The following CELF4 variants were observed in gnomAD, a reference collection of about 807,000 sequenced individuals.
The protein encoded by CELF4 is CUGBP Elav-like family member 4.
In CELF4, 18 loss-of-function variants were observed where a neutral mutation model predicts 59.9. The ratio of observed to expected loss-of-function variants is 0.30; its 90% CI spans 0.21 to 0.45. The LOEUF (loss-of-function observed/expected upper bound fraction) is 0.45. Among genes scored for constraint, CELF4 ranks in the 20% least tolerant of loss-of-function variants. The pLI, the probability that CELF4 is intolerant of heterozygous loss-of-function variation, is 1.00. For missense variants in CELF4, 456 were observed against 689.0 expected (o/e 0.66, Z 3.79); for synonymous variants, 261 against 267.1 (o/e 0.98, Z 0.22).
At chr18:37,557,600 ATAAT>A (rs1412242861) in intron 1 of CELF4, among the ~76,000 whole-genome samples, 1 of 152,234 alleles carries the variant, frequency 6.6e-6, no homozygotes, top group African/African-American at 2.4e-5. Context: ...AACAAAGGTG[ATAAT>A]TAATTAAAGC....
chr18:37,552,267 G>C (rs1024972384), intron 1 of CELF4, among the ~76,000 whole-genome samples: 1 of 152,192 alleles, frequency 6.6e-6, no homozygotes, highest in Non-Finnish European at 1.5e-5. Flanking sequence ...TGACACTCAG[G>C]GCACCTGAAT....
intron 1 of CELF4, among the ~76,000 whole-genome samples, chr18:37,509,147 G>T (rs1250284948): frequency 1.7e-5 from 1 of 59,970 alleles, no homozygotes; most frequent in Non-Finnish European, 4.3e-5. Context: ...TAATTTAATG[G>T]AAGAATGTTA....
At chr18:37,481,108 C>T (rs1377195772) in intron 2 of CELF4, among the ~76,000 whole-genome samples, 1 of 152,110 alleles carries the variant, frequency 6.6e-6, no homozygotes, top group Non-Finnish European at 1.5e-5. Context: ...TGCATGTCTG[C>T]CAGGCTGACG....
intron 11 of CELF4, among the ~76,000 whole-genome samples, chr18:37,256,248 C>G (rs528817753): frequency 9.8e-5 from 15 of 152,332 alleles, no homozygotes; most frequent in Non-Finnish European, 1.8e-4. Flanking sequence ...CCCAGCCCTC[C>G]TTCCAACATA....
At chr18:37,390,442 C>T (rs2099147083) in intron 2 of CELF4, among the ~76,000 whole-genome samples, 1 of 152,112 alleles carries the variant, frequency 6.6e-6, no homozygotes, top group East Asian at 1.9e-4. Context: ...GAGGGTAGCT[C>T]TTTCAGGGCA....
chr18:37,321,828 A>G lies in CELF4; in HGVS notation c.423T>C (p.Ser141=). 15 of 1,613,128 alleles carry G rather than the reference A, an allele frequency of 9.3e-6. No homozygotes were observed. The highest frequency in any genetic ancestry group is 1.3e-5 in the Non-Finnish European group (15 of 1,179,518). Residue 141 remains serine, a synonymous_variant, in exon 3 of 13, where the codon AGT becomes AGC. Coordinates refer to ENST00000420428, the MANE Select transcript of CELF4 (RefSeq NM_020180.4). ...KPADSESRGG[S]SCLRQPPSQD... ...GTGAAGGGGGCTGGCGCAGGCAGCTACTACCTCCTCGGCTCTCGCTGTCCG... is the reference window on the plus strand; with the variant it reads ...GTGAAGGGGGCTGGCGCAGGCAGCTGCTACCTCCTCGGCTCTCGCTGTCCG...
At position 37,246,863 on chromosome 18, in the gene CELF4, T is replaced by G. The variant is rs1198231073; in HGVS notation, c.*45-1666A>C. 2 of 152,236 alleles carry G rather than the reference T, an allele frequency of 1.3e-5. No homozygotes were observed. Among genetic ancestry groups the G allele is most frequent in the Admixed American group, 1.3e-4 (2 of 15,290 alleles). The allele number at this position is 152,236 out of a possible 1,614,324, so 9.4% of individuals were successfully genotyped here. On this transcript the variant is annotated intron_variant, in intron 12 of 12. Transcript: ENST00000420428. The surrounding 1 kb of genome is among the most constrained non-coding windows in gnomAD (Gnocchi z 5.3). The stretch of plus-strand genomic sequence containing the variant: ...TTTGACTATTTTTTGTTCTTTTGTT[T>G]TGTTTTTTTCTCTATGTGACATCTA...
rs140669145 is a variant in CELF4, at chr18:37,286,542, G to A, written c.449-11299C>T. On this transcript the variant is annotated intron_variant, in intron 3 of 12. Transcript: ENST00000420428. ...GAAAAACTCAGTGCTGGGGGCGGCC[G>A]TGCAAACCCCCTGCCCCTCTGACCC... Among the ~76,000 whole-genome samples the A allele has an allele frequency of 4.6e-3, 700 of 152,286 alleles. 3 individuals carry two copies. Among genetic ancestry groups the A allele is most frequent in the African/African-American group, 0.016 (658 of 41,570 alleles).
intron 2 of CELF4, among the ~76,000 whole-genome samples, chr18:37,392,106 G>T (rs1293333532): frequency 6.6e-6 from 1 of 152,220 alleles, no homozygotes; most frequent in African/African-American, 2.4e-5. Flanking sequence ...CGATGACTCA[G>T]CTTCACACAC....
chr18:37,464,184 G>A (rs566594761), intron 2 of CELF4, among the ~76,000 whole-genome samples: 11 of 152,324 alleles, frequency 7.2e-5, no homozygotes, highest in South Asian at 6.2e-4. Context: ...TGGAAAGCAC[G>A]GGGCTCGGGC....
At chr18:37,454,504 G>A (rs1346721618) in intron 2 of CELF4, among the ~76,000 whole-genome samples, 1 of 152,098 alleles carries the variant, frequency 6.6e-6, no homozygotes, top group Non-Finnish European at 1.5e-5. Flanking sequence ...GACCTTATCT[G>A]TTGTGAGCAC....
chr18:37,390,623 A>AG (rs978920908), intron 2 of CELF4, among the ~76,000 whole-genome samples: 23 of 151,916 alleles, frequency 1.5e-4, no homozygotes, highest in African/African-American at 4.8e-4. Flanking sequence ...AGCTGGGGGC[A>AG]GGGGGCTGGG....
chr18:37,427,043 G>T (rs998042828), intron 2 of CELF4, among the ~76,000 whole-genome samples: 19 of 151,944 alleles, frequency 1.3e-4, no homozygotes, highest in East Asian at 1.9e-4. Flanking sequence ...GACACGGGGG[G>T]GGGGGAAGCT....
chr18:37,272,743 CA>C (rs896303037), intron 7 of CELF4, among the ~76,000 whole-genome samples: 1 of 152,196 alleles, frequency 6.6e-6, no homozygotes, highest in African/African-American at 2.4e-5. Flanking sequence ...CATCAAGATA[CA>C]TTGTTTCCTG....
chr18:37,470,885 T>TGAGAGAGAGAGAGA (rs1569569558), intron 2 of CELF4, among the ~76,000 whole-genome samples: 10 of 79,602 alleles, frequency 1.3e-4, no homozygotes, highest in African/African-American at 1.9e-4. Context: ...TGTGTGTGTG[T>TGAGAGAGAGAGAGA]GTGACAGAGA....
chr18:37,364,683 T>C (rs1394690446), intron 2 of CELF4, among the ~76,000 whole-genome samples: 1 of 152,236 alleles, frequency 6.6e-6, no homozygotes, highest in Admixed American at 6.5e-5. Flanking sequence ...TGGTTAGTCC[T>C]AAAGAACTGA....
At chr18:37,339,712 C>T (rs1174054076) in intron 2 of CELF4, among the ~76,000 whole-genome samples, 2 of 150,058 alleles carry the variant, frequency 1.3e-5, no homozygotes, top group Non-Finnish European at 2.9e-5. Flanking sequence ...CGAGATCGCA[C>T]TACTGTACTC....
At chr18:37,288,840 C>A (rs1184835643) in intron 3 of CELF4, among the ~76,000 whole-genome samples, 1 of 152,132 alleles carries the variant, frequency 6.6e-6, no homozygotes, top group Admixed American at 6.5e-5. Flanking sequence ...GCATTGCTAA[C>A]AACAGAGGAG....
intron 1 of CELF4, among the ~76,000 whole-genome samples, chr18:37,512,292 G>T (rs762868102): frequency 9.2e-5 from 14 of 152,204 alleles, no homozygotes; most frequent in Admixed American, 9.2e-4. Context: ...TGATGGGGCC[G>T]TGTCGGCCAC....
Sources: gnomAD v4.1 joint callset for allele counts (sites outside exome capture counted in the v4.1 genomes callset) on GRCh38, gnomAD v4.1.1 for gene constraint, Gnocchi (gnomAD v3.1) non-coding constraint, MANE v1.5 for transcripts, NCBI Gene and HGNC (gene_info 2026-07-23, HGNC 2026-07-21) for gene names.